The following ETNPPL variants were observed in gnomAD, a reference collection of about 807,000 sequenced individuals.
The protein encoded by ETNPPL is alanine--glyoxylate aminotransferase 2-like 1.
ETNPPL carries 30 observed loss-of-function variants against 55.5 expected under a neutral mutation model. That is an observed-to-expected ratio of 0.54 (90% CI 0.40 to 0.73). The LOEUF (loss-of-function observed/expected upper bound fraction) is 0.73. ETNPPL is among the 30% of genes least tolerant of loss of function. ETNPPL has a pLI of 0.00. For missense variants in ETNPPL, 528 were observed against 607.9 expected (o/e 0.87, Z 1.38); for synonymous variants, 202 against 207.2 (o/e 0.98, Z 0.21).
chr4:108,754,958 T>C (rs1729127351), intron 4 of ETNPPL, among the ~76,000 whole-genome samples: 1 of 152,210 alleles, frequency 6.6e-6, no homozygotes, highest in Admixed American at 6.5e-5. Flanking sequence ...TGACAATTTC[T>C]TTTTAGTTGG....
intron 9 of ETNPPL, 24 bp downstream of exon 9, chr4:108,747,981 A>G (rs1728693413): frequency 4.4e-6 from 7 of 1,588,884 alleles, no homozygotes; most frequent in Non-Finnish European, 6.0e-6. Context: ...GAGTAACTAC[A>G]TGACAACTTC....
At chr4:108,760,007 C>T in intron 2 of ETNPPL, 99 bp from the exon 3 acceptor site, 3 of 1,328,534 alleles carry the variant, frequency 2.3e-6, no homozygotes, top group Non-Finnish European at 2.1e-6. Context: ...AACAAACAAA[C>T]AAACAAAAGT....
At chr4:108,756,565 G>T in intron 3 of ETNPPL, 73 bp from the exon 4 acceptor site, 1 of 1,128,856 alleles carries the variant, frequency 8.9e-7, no homozygotes. Flanking sequence ...TGCCAGGCAC[G>T]GTAGCTCACG....
chr4:108,745,930 CAAAA>C (rs5860940), intron 11 of ETNPPL, among the ~76,000 whole-genome samples: 3 of 70,888 alleles, frequency 4.2e-5, no homozygotes, highest in African/African-American at 4.0e-5. Context: ...GACTCCATCT[CAAAA>C]AAAAAAAAAA....
At chr4:108,761,179 G>A (rs1457296966) in intron 1 of ETNPPL, among the ~76,000 whole-genome samples, 3 of 152,012 alleles carry the variant, frequency 2.0e-5, no homozygotes, top group Non-Finnish European at 4.4e-5. Flanking sequence ...TCTAATCTTG[G>A]CTTTATGAAC....
At chr4:108,758,711 G>A (rs1005247159) in intron 3 of ETNPPL, among the ~76,000 whole-genome samples, 13 of 152,328 alleles carry the variant, frequency 8.5e-5, no homozygotes, top group South Asian at 2.1e-4. Flanking sequence ...ACCCCGAGGC[G>A]CTGCTGGTGG....
chr4:108,761,568 C>T (rs2125683839), intron 1 of ETNPPL, among the ~76,000 whole-genome samples: 1 of 152,276 alleles, frequency 6.6e-6, no homozygotes, highest in East Asian at 1.9e-4. Context: ...CCACCTTGCC[C>T]GTCAGACTTC....
In ETNPPL at chr4:108,746,418, T is replaced by C. The variant is rs1302273915; in HGVS notation, c.1284A>G (p.Gln428=). The C allele has an allele frequency of 6.8e-6, 11 of 1,613,470 alleles. No individual in the cohort carries two copies. The highest frequency in any genetic ancestry group is 6.7e-5 in the African/African-American group (5 of 74,910). The part of the protein sequence containing the change: ...TEEDAKFMVD[Q]LDRILTVLEE... Reference sequence around the variant, plus strand: ...ACCCACCTGTTAGAATCCTATCAAGTTGGTCCACCATGAACTTTGCATCTT... The same window carrying C: ...ACCCACCTGTTAGAATCCTATCAAGCTGGTCCACCATGAACTTTGCATCTT... Residue 428 remains glutamine (Q), a synonymous_variant, in exon 11 of 13, where the codon CAA becomes CAG. Transcript: ENST00000296486.
chr4:108,753,053 T>C, intron 5 of ETNPPL, 42 bp from the exon 6 acceptor site: 1 of 1,077,326 alleles, frequency 9.3e-7, no homozygotes, highest in Non-Finnish European at 1.4e-6. Flanking sequence ...ATTTGCCTTT[T>C]CGACAAACCT....
In ETNPPL at chr4:108,754,597, ATTTAGGAT is replaced by A. The variant is rs1560657389; in HGVS notation, c.501+15_501+22del. 3.3e-6 allele frequency: 4 copies of A among 1,200,386 alleles called. No homozygotes were observed. Among genetic ancestry groups the A allele is most frequent in the Non-Finnish European group, 4.9e-6 (4 of 810,888 alleles). The allele number at this position is 1,200,386 out of a possible 1,614,324, so 74.4% of individuals were successfully genotyped here. On this transcript the variant is annotated intron_variant, in intron 5 of 12. Coordinates refer to ENST00000296486, the MANE Select transcript of ETNPPL (RefSeq NM_031279.4). ...GCATTCCTCCAATACAAACATTCTGATTTAGGATTTTAAGACACTTACCACATGTACAA... is the reference window on the plus strand; with the variant it reads ...GCATTCCTCCAATACAAACATTCTGATTTAAGACACTTACCACATGTACAA...
At chr4:108,756,551 G>C (rs1217585220) in intron 3 of ETNPPL, 59 bp from the exon 4 acceptor site, 1 of 1,312,330 alleles carries the variant, frequency 7.6e-7, no homozygotes, top group Non-Finnish European at 1.1e-6. Context: ...AAACATTTAG[G>C]ATGTGCCAGG....
Position 108,763,002 on chromosome 4 carries a change from T to A in ETNPPL, c.-104A>T. On this transcript the variant is annotated 5_prime_UTR_variant, in exon 1 of 13. Transcript: ENST00000296486. Reference sequence around the variant, plus strand: ...GCGGCCCCGGCCGGCCTTCCTCCCGTTATCCCTCCTGGCGTTCTCTTGCCC... The same window carrying A: ...GCGGCCCCGGCCGGCCTTCCTCCCGATATCCCTCCTGGCGTTCTCTTGCCC... 1 of 1,077,754 alleles carries A rather than the reference T, an allele frequency of 9.3e-7. No homozygotes were observed. The highest frequency in any genetic ancestry group is 1.8e-5 in the Admixed American group (1 of 54,218). 66.8% of individuals were successfully genotyped at this position (1,077,754 alleles called of 1,614,324 possible).
At chr4:108,757,253 C>A (rs965688447) in intron 3 of ETNPPL, among the ~76,000 whole-genome samples, 1 of 151,974 alleles carries the variant, frequency 6.6e-6, no homozygotes, top group African/African-American at 2.4e-5. Context: ...AAATATACTA[C>A]CCAAAAAAAG....
Position 108,742,377 on chromosome 4 carries a change from C to CT in ETNPPL, c.*106dup. On this transcript the variant is annotated 3_prime_UTR_variant, in exon 13 of 13. Coordinates refer to ENST00000296486, the MANE Select transcript of ETNPPL (RefSeq NM_031279.4). ...TTACCTTTTCATTTATGAATCTAAA[C>CT]TGACAATTCCACCTTTAGAGGTATA... 8.7e-7 allele frequency: 1 copy of CT among 1,146,334 alleles called. No homozygotes were observed. The highest frequency in any genetic ancestry group is 1.5e-5 in the African/African-American group (1 of 65,450). 71.0% of individuals were successfully genotyped at this position (1,146,334 alleles called of 1,614,324 possible).
chr4:108,754,026 T>A (rs1729080682), intron 5 of ETNPPL, among the ~76,000 whole-genome samples: 1 of 147,164 alleles, frequency 6.8e-6, no homozygotes, highest in Non-Finnish European at 1.5e-5. Flanking sequence ...CAGGCTGGAG[T>A]GCAGTGGCAC....
chr4:108,754,550 G>A (rs576126987), intron 5 of ETNPPL, 70 bp downstream of exon 5: 3 of 861,110 alleles, frequency 3.5e-6, no homozygotes, highest in African/African-American at 3.4e-5. Flanking sequence ...CTAGATGAAA[G>A]CATTGGCTGG....
intron 2 of ETNPPL, 74 bp downstream of exon 2, chr4:108,760,114 A>G (rs542418052): frequency 1.6e-3 from 1,915 of 1,216,938 alleles, no homozygotes; most frequent in Non-Finnish European, 1.9e-3. Context: ...TTCCCCAAAC[A>G]AAAATTAAGT....
At chr4:108,746,123 T>C (rs1399208650) in intron 11 of ETNPPL, among the ~76,000 whole-genome samples, 1 of 152,192 alleles carries the variant, frequency 6.6e-6, no homozygotes, top group African/African-American at 2.4e-5. Flanking sequence ...TATGCTAGTC[T>C]AAAGTAAAAA....
At position 108,758,700 on chromosome 4, in the gene ETNPPL, G is replaced by A. The variant is rs142532527; in HGVS notation, c.335+1049C>T. Reference sequence around the variant, plus strand: ...GTGCTGGCCCCAGGGTCCCCACGCTGACCCCGAGGCGCTGCTGGTGGCCCT... The same window carrying A: ...GTGCTGGCCCCAGGGTCCCCACGCTAACCCCGAGGCGCTGCTGGTGGCCCT... On this transcript the variant is annotated intron_variant, in intron 3 of 12. Transcript: ENST00000296486. Among the ~76,000 whole-genome samples the A allele has an allele frequency of 1.8e-4, 27 of 152,352 alleles. No individual in the cohort carries two copies. In the East Asian group the frequency reaches 3.7e-3, roughly 21 times the overall value.
Sources: gnomAD v4.1 joint callset for allele counts (sites outside exome capture counted in the v4.1 genomes callset) on GRCh38, gnomAD v4.1.1 for gene constraint, MANE v1.5 for transcripts, NCBI Gene and HGNC (gene_info 2026-07-23, HGNC 2026-07-21) for gene names.